PDZD2: variants seen among roughly 807,000 people sequenced by gnomAD.
The protein encoded by PDZD2 is PDZ domain-containing protein 2.
PDZD2 carries 90 observed loss-of-function variants against 220.7 expected under a neutral mutation model. That is an observed-to-expected ratio of 0.41 (90% CI 0.34 to 0.49). PDZD2 has a LOEUF of 0.49. Ranked by LOEUF, PDZD2 falls within the 20% of genes least tolerant of loss-of-function variation. PDZD2 has a pLI of 0.28. For missense variants in PDZD2, 3,174 were observed against 3,608.5 expected (o/e 0.88, Z 3.08); for synonymous variants, 1,375 against 1,450.5 (o/e 0.95, Z 1.18).
chr5:32,054,309 C>CTTT, intron 10 of PDZD2, among the ~76,000 whole-genome samples: 1 of 75,696 alleles, frequency 1.3e-5, no homozygotes. Flanking sequence ...CCTAAATGAA[C>CTTT]ATCTTTTTTT....
chr5:32,090,062 GC>G lies in PDZD2; in HGVS notation c.6618del (p.Ser2207ArgfsTer47), dbSNP rs936614771. 6.2e-7 allele frequency: 1 copy of G among 1,613,390 alleles called. No homozygotes were observed. On this transcript the variant is annotated frameshift_variant, in exon 20 of 25. Coordinates refer to ENST00000438447, the MANE Select transcript of PDZD2 (RefSeq NM_178140.4). LOFTEE classifies it high-confidence loss of function. The surrounding 1 kb of genome is among the most constrained non-coding windows in gnomAD (Gnocchi z 4.3). ...RGVPRNSIPG[G>X]PSGEDHLYFT... ...GTGCCCAGAAACAGCATTCCAGGGG[GC>G]CCCTCGGGGGAGGACCATCTCTACT...
In PDZD2 at chr5:32,098,585, T is replaced by G. The variant is rs1369279926; in HGVS notation, c.8169T>G (p.Asn2723Lys). Residue 2723 changes from asparagine (N) to lysine (K), a missense_variant, in exon 23 of 25, where the codon AAT becomes AAG. By Grantham distance (94) the Asn-to-Lys change is moderately conservative. Coordinates refer to ENST00000438447, the MANE Select transcript of PDZD2 (RefSeq NM_178140.4). The surrounding 1 kb of genome is among the most constrained non-coding windows in gnomAD (Gnocchi z 4.1). ...PSARQEPPTA[N>K]GKGLLSRKTI... ...CCCGGCAGGAGCCTCCCACAGCCAA[T>G]GGGAAGGGTTTGCTGTCCAGAAAGA... The G allele has an allele frequency of 1.9e-6, 3 of 1,614,132 alleles. No individual in the cohort carries two copies. Among genetic ancestry groups the G allele is most frequent in the Non-Finnish European group, 1.7e-6 (2 of 1,180,012 alleles).
chr5:32,016,311 A>G (rs549004283), intron 6 of PDZD2, among the ~76,000 whole-genome samples: 3 of 152,354 alleles, frequency 2.0e-5, no homozygotes, highest in East Asian at 1.9e-4. Context: ...CTTCTGTTAC[A>G]GCATCTGAAT....
At chr5:31,670,174 G>A (rs1266504071) in intron 1 of PDZD2, among the ~76,000 whole-genome samples, 2 of 152,130 alleles carry the variant, frequency 1.3e-5, no homozygotes, top group Non-Finnish European at 2.9e-5. Context: ...TGTTTTCAGG[G>A]TGTTTGAACC....
intron 1 of PDZD2, among the ~76,000 whole-genome samples, chr5:31,785,634 T>G (rs1164432943): frequency 2.0e-5 from 3 of 151,792 alleles, no homozygotes; most frequent in Non-Finnish European, 4.4e-5. Context: ...AGACACAGGG[T>G]CTCGCCATGT....
At chr5:31,872,270 G>T (rs76792962) in intron 2 of PDZD2, among the ~76,000 whole-genome samples, 1 of 151,970 alleles carries the variant, frequency 6.6e-6, no homozygotes, top group South Asian at 2.1e-4. Flanking sequence ...TCTCAGGGTC[G>T]GTCAACTTGA....
At chr5:31,804,501 C>T (rs1011383934) in intron 2 of PDZD2, among the ~76,000 whole-genome samples, 6 of 152,190 alleles carry the variant, frequency 3.9e-5, no homozygotes, top group African/African-American at 9.7e-5. Context: ...CATTTAATAG[C>T]GACCACAATT....
rs1360312482 is a variant in PDZD2, at chr5:32,108,576, T to C, written c.*441T>C. 1.8e-5 allele frequency: 2 copies of C among 110,106 alleles called. No homozygotes were observed. Among genetic ancestry groups the C allele is most frequent in the African/African-American group, 6.2e-5 (2 of 32,066 alleles). 6.8% of individuals were successfully genotyped at this position (110,106 alleles called of 1,614,324 possible). ...TAAGAGGACAATCAATCATTTTGTA[T>C]GATTTTGTAAGTAAATGACAGAATG... On this transcript the variant is annotated 3_prime_UTR_variant, in exon 25 of 25. Coordinates refer to ENST00000438447, the MANE Select transcript of PDZD2 (RefSeq NM_178140.4).
intron 12 of PDZD2, among the ~76,000 whole-genome samples, chr5:32,058,396 C>T (rs1189388919): frequency 1.3e-5 from 2 of 150,686 alleles, no homozygotes; most frequent in Non-Finnish European, 2.9e-5. Flanking sequence ...TGGCCAGGCA[C>T]AGTGGCTCAT....
chr5:31,802,221 G>A (rs1754431959), intron 2 of PDZD2, among the ~76,000 whole-genome samples: 2 of 152,120 alleles, frequency 1.3e-5, no homozygotes, highest in South Asian at 4.1e-4. Context: ...TGGTATTGGG[G>A]TGGGAGGGAG....
chr5:31,774,675 C>G (rs566081542), intron 1 of PDZD2, among the ~76,000 whole-genome samples: 1 of 151,648 alleles, frequency 6.6e-6, no homozygotes, highest in African/African-American at 2.4e-5. Flanking sequence ...AAGATCACAC[C>G]ACCTTTGCAC....
chr5:31,846,633 A>C (rs1002813931), intron 2 of PDZD2, among the ~76,000 whole-genome samples: 1 of 152,198 alleles, frequency 6.6e-6, no homozygotes. Flanking sequence ...GTCAGCTGAA[A>C]GTTGATTGGA....
chr5:31,880,812 T>TCC (rs1739818596), intron 2 of PDZD2, among the ~76,000 whole-genome samples: 1 of 134,702 alleles, frequency 7.4e-6, no homozygotes, highest in African/African-American at 2.9e-5. Flanking sequence ...TTTTTTTTTT[T>TCC]TTTTTTGAGA....
intron 2 of PDZD2, among the ~76,000 whole-genome samples, chr5:31,926,181 C>T (rs1456160388): frequency 1.3e-5 from 2 of 151,330 alleles, no homozygotes; most frequent in Non-Finnish European, 2.9e-5. Flanking sequence ...GATTGTGCCA[C>T]TGTGCCCCAG....
intron 6 of PDZD2, among the ~76,000 whole-genome samples, chr5:32,021,545 G>C (rs1754204652): frequency 6.6e-6 from 1 of 151,914 alleles, no homozygotes; most frequent in South Asian, 2.1e-4. Context: ...TGATCCACCT[G>C]CCTCAGCCCC....
At chr5:31,850,261 C>CACACAT (rs1561508382) in intron 2 of PDZD2, among the ~76,000 whole-genome samples, 1 of 130,290 alleles carries the variant, frequency 7.7e-6, no homozygotes, top group Non-Finnish European at 1.7e-5. Context: ...CACACACACA[C>CACACAT]ATATATATAC....
chr5:31,802,147 C>T (rs1754428431), intron 2 of PDZD2, among the ~76,000 whole-genome samples: 1 of 152,140 alleles, frequency 6.6e-6, no homozygotes, highest in Non-Finnish European at 1.5e-5. Context: ...GTTTGGGATT[C>T]CAGGTTCTCT....
intron 7 of PDZD2, among the ~76,000 whole-genome samples, chr5:32,041,838 T>G (rs1756177777): frequency 2.1e-5 from 2 of 95,392 alleles, no homozygotes; most frequent in Admixed American, 2.5e-4. Context: ...GAATAATCAA[T>G]AAATACTAAA....
intron 2 of PDZD2, among the ~76,000 whole-genome samples, chr5:31,836,668 A>C (rs1756957755): frequency 6.6e-6 from 1 of 152,108 alleles, no homozygotes; most frequent in Non-Finnish European, 1.5e-5. Context: ...GTTTTTTATG[A>C]TTCCCTCTAG....
Sources: gnomAD v4.1 joint callset for allele counts (sites outside exome capture counted in the v4.1 genomes callset) on GRCh38, gnomAD v4.1.1 for gene constraint, Gnocchi (gnomAD v3.1) non-coding constraint, MANE v1.5 for transcripts, NCBI Gene and HGNC (gene_info 2026-07-23, HGNC 2026-07-21) for gene names.